Variants in CLDN16 observed in about 807,000 individuals in gnomAD.
The protein encoded by CLDN16 is claudin 16, also known as claudin-16.
A neutral mutation model predicts 24.6 loss-of-function variants in CLDN16; 13 were observed. That is an observed-to-expected ratio of 0.53 (90% CI 0.34 to 0.84). The LOEUF (loss-of-function observed/expected upper bound fraction) is 0.84. Ranked by LOEUF, CLDN16 falls within the 40% of genes least tolerant of loss-of-function variation. The pLI, the probability that CLDN16 is intolerant of heterozygous loss-of-function variation, is 0.01. For missense variants in CLDN16, 298 were observed against 292.7 expected, an observed-to-expected ratio of 1.02 and a Z score of -0.13; for synonymous variants, 116 against 106.7, an observed-to-expected ratio of 1.09 and a Z score of -0.54.
At chr3:190,309,617 A>G in the CLDN16 span, among the ~76,000 whole-genome samples, 1 of 152,250 alleles carries the variant, frequency 6.6e-6, no homozygotes. Flanking sequence ...CTGCAGTATT[A>G]AGAAAGATGA....
At chr3:190,316,501 T>C in the CLDN16 span, among the ~76,000 whole-genome samples, 2 of 152,212 alleles carry the variant, frequency 1.3e-5, no homozygotes. Context: ...AGGTTACCAG[T>C]CAAAGTAAGC....
At chr3:190,368,964 A>G (rs1386607908) in intron 1 of CLDN16, among the ~76,000 whole-genome samples, 1 of 151,954 alleles carries the variant, frequency 6.6e-6, no homozygotes, top group Admixed American at 6.6e-5. Flanking sequence ...CAAGCATCTT[A>G]GTTTATAATG....
chr3:190,348,770 A>ATTTC (rs1560084716), intron 1 of CLDN16, among the ~76,000 whole-genome samples: 8 of 152,210 alleles, frequency 5.3e-5, no homozygotes, highest in Admixed American at 2.6e-4. Context: ...CCCAGGTACT[A>ATTTC]AGCCTAGTAC....
chr3:190,385,641 A>G (rs1490381538), upstream of CLDN16, among the ~76,000 whole-genome samples: 2 of 152,048 alleles, frequency 1.3e-5, no homozygotes, highest in Non-Finnish European at 2.9e-5. Context: ...GCATATGAGA[A>G]TGCATATGCT....
At chr3:190,304,320 T>C in the CLDN16 span, among the ~76,000 whole-genome samples, 487 of 152,328 alleles carry the variant, frequency 3.2e-3, 2 homozygotes, top group Non-Finnish European at 5.8e-3. Flanking sequence ...TCTTTCCACC[T>C]AACATCCTTT....
the CLDN16 span, among the ~76,000 whole-genome samples, chr3:190,304,364 T>A: frequency 6.6e-6 from 1 of 152,152 alleles, no homozygotes; most frequent in African/African-American, 2.4e-5. Flanking sequence ...GTCTTACTCA[T>A]CTCATAGCTA....
chr3:190,407,547 C>T (rs1719137140), intron 3 of CLDN16, among the ~76,000 whole-genome samples: 1 of 152,154 alleles, frequency 6.6e-6, no homozygotes, highest in South Asian at 2.1e-4. Context: ...CTCCAACTCA[C>T]CACATTTCTT....
At chr3:190,352,124 AG>A (rs1717682907) in intron 1 of CLDN16, among the ~76,000 whole-genome samples, 1 of 151,900 alleles carries the variant, frequency 6.6e-6, no homozygotes, top group African/African-American at 2.4e-5. Flanking sequence ...GTCTGAAACT[AG>A]AAGGCAATTG....
At position 190,388,434 on chromosome 3, in the gene CLDN16, C is replaced by A; in HGVS notation, c.105C>A (p.Asp35Glu). ...ACTGTTGGATGGTGAATGCTGATGA[C>A]TCTCTGGAGGTAAGAAGATAGCAGC... is the stretch of plus-strand genomic sequence containing the variant. ...WTDCWMVNADDSLEVSTKCRG... is the reference protein window; with the variant it reads ...WTDCWMVNADESLEVSTKCRG... The change falls in exon 1 of 5, where the codon GAC becomes GAA. Residue 35 changes from aspartate to glutamate, a missense_variant. By Grantham distance (45) the Asp-to-Glu change is conservative. Coordinates refer to ENST00000264734, the MANE Select transcript of CLDN16 (RefSeq NM_006580.4). The A allele has an allele frequency of 8.7e-6, 14 of 1,614,010 alleles. No homozygotes were observed. Among genetic ancestry groups the A allele is most frequent in the Non-Finnish European group, 1.2e-5 (14 of 1,179,944 alleles).
intron 1 of CLDN16, among the ~76,000 whole-genome samples, chr3:190,333,895 C>G (rs1717240395): frequency 6.6e-6 from 1 of 152,084 alleles, no homozygotes; most frequent in African/African-American, 2.4e-5. Flanking sequence ...ATGCAGCTGA[C>G]AGAAACATTG....
At chr3:190,316,460 G>A in the CLDN16 span, among the ~76,000 whole-genome samples, 2 of 152,152 alleles carry the variant, frequency 1.3e-5, no homozygotes, top group African/African-American at 2.4e-5. Flanking sequence ...AAAACAGCAC[G>A]AAAACTCACA....
At chr3:190,341,512 C>T (rs979345290) in intron 1 of CLDN16, among the ~76,000 whole-genome samples, 34 of 152,142 alleles carry the variant, frequency 2.2e-4, no homozygotes, top group Non-Finnish European at 4.6e-4. Context: ...AGGCTGCACA[C>T]AGCAGAGGAA....
chr3:190,377,956 C>T (rs1946323), intron 3 of CLDN16, among the ~76,000 whole-genome samples: 113,267 of 151,740 alleles, frequency 0.75, 42,333 homozygotes, highest in East Asian at 0.83. Flanking sequence ...AGAAATCTAG[C>T]AGAGAAAGAT....
chr3:190,336,339 G>A (rs1717306483), intron 1 of CLDN16, among the ~76,000 whole-genome samples: 1 of 152,198 alleles, frequency 6.6e-6, no homozygotes, highest in African/African-American at 2.4e-5. Flanking sequence ...TGGGAGTTAA[G>A]CCATGCAGAT....
chr3:190,332,791 A>C (rs140750152), intron 1 of CLDN16, among the ~76,000 whole-genome samples: 2 of 148,048 alleles, frequency 1.4e-5, no homozygotes. Flanking sequence ...TTTTTTTGTT[A>C]CAAGACATAC....
the CLDN16 span, among the ~76,000 whole-genome samples, chr3:190,311,944 C>A: frequency 9.3e-6 from 1 of 107,144 alleles, no homozygotes; most frequent in Non-Finnish European, 1.8e-5. Context: ...ACAGATATTT[C>A]TTTTCTTTTC....
intron 1 of CLDN16, among the ~76,000 whole-genome samples, chr3:190,326,835 G>A (rs898386936): frequency 6.6e-6 from 1 of 152,140 alleles, no homozygotes; most frequent in African/African-American, 2.4e-5. Context: ...CTTGAAACAA[G>A]GTGCTGAATG....
intron 1 of CLDN16, among the ~76,000 whole-genome samples, chr3:190,325,652 T>C (rs1290855025): frequency 6.6e-6 from 1 of 152,134 alleles, no homozygotes; most frequent in African/African-American, 2.4e-5. Flanking sequence ...ACTGTGAGTG[T>C]CAGAAGAGAG....
chr3:190,350,343 GTT>G (rs1717644124), intron 1 of CLDN16, among the ~76,000 whole-genome samples: 2 of 97,334 alleles, frequency 2.1e-5, no homozygotes, highest in Admixed American at 1.1e-4. Context: ...AGTTCATAAT[GTT>G]ATATATATAT....
Sources: gnomAD v4.1 joint callset for allele counts (sites outside exome capture counted in the v4.1 genomes callset) on GRCh38, gnomAD v4.1.1 for gene constraint, MANE v1.5 for transcripts, NCBI Gene and HGNC (gene_info 2026-07-23, HGNC 2026-07-21) for gene names.